Variants in MAP1A observed in about 807,000 individuals in gnomAD.
MAP1A encodes the protein microtubule associated protein 1A, also known as microtubule-associated protein 1A.
Under a neutral mutation model 185.9 loss-of-function variants are expected in MAP1A, and 42 were observed. That is an observed-to-expected ratio of 0.23 (90% CI 0.18 to 0.29). The LOEUF (loss-of-function observed/expected upper bound fraction) is 0.29, where lower values mean the gene tolerates loss of function less well. Among genes scored for constraint, MAP1A ranks in the 10% least tolerant of loss-of-function variants. MAP1A has a pLI of 1.00. For missense variants in MAP1A, 2,995 were observed against 3,450.4 expected (o/e 0.87, Z 3.31); for synonymous variants, 1,229 against 1,335.9 (o/e 0.92, Z 1.74).
rs2079329713 is a variant in MAP1A, at chr15:43,523,663, G to A, written c.2190G>A (p.Glu730=). 5.6e-6 allele frequency: 9 copies of A among 1,614,042 alleles called. No homozygotes were observed. The highest frequency in any genetic ancestry group is 7.6e-6 in the Non-Finnish European group (9 of 1,179,958). Residue 730 remains glutamate, a synonymous_variant, in exon 4 of 6, where the codon GAG becomes GAA. Coordinates refer to ENST00000300231, the MANE Select transcript of MAP1A (RefSeq NM_002373.6). ...TGACCACACCTGCAGGAGCCACTGA[G>A]CATGTCTCTTACATCCAGGATGAGA... ...SSLTTPAGAT[E]HVSYIQDETI...
rs1000688469 is a variant in MAP1A at position 43,527,122 on chromosome 15, T to C, written c.5649T>C (p.Tyr1883=). ...CCTTCTCTTGGGGCACAGCCGAGTA[T>C]GACAGTGTGGTGGCTGCAGTGCAGG... ...PAPFSWGTAE[Y]DSVVAAVQEG... Residue 1883 remains tyrosine, a synonymous_variant, in exon 4 of 6, where the codon TAT becomes TAC. Transcript: ENST00000300231. The C allele has an allele frequency of 1.4e-5, 22 of 1,607,820 alleles. No homozygotes were observed. The South Asian group carries it at 2.3e-4, about 17-fold the overall frequency.
Position 43,529,243 on chromosome 15 carries a change from G to T in MAP1A, c.7770G>T (p.Gly2590=), listed in dbSNP as rs1324547827. The part of the protein sequence containing the change: ...ADPEGLSSES[G]RVERLREKEK... ...CCGAGGGGCTCAGCTCAGAGTCTGG[G>T]AGAGTAGAGAGGCTACGGGAGAAGG... Residue 2590 remains glycine (G), a synonymous_variant, in exon 4 of 6, where the codon GGG becomes GGT. Transcript: ENST00000300231. This position sits in a 1 kb window ranked among gnomAD's most constrained non-coding sequence, Gnocchi z 4.3. 2 of 1,613,116 alleles carry T rather than the reference G, an allele frequency of 1.2e-6. No individual in the cohort carries two copies. The highest frequency in any genetic ancestry group is 1.1e-5 in the South Asian group (1 of 91,028).
At chr15:43,514,246 T>C (rs757353678), upstream of MAP1A, among the ~76,000 whole-genome samples, 4 of 152,218 alleles carry the variant, frequency 2.6e-5, no homozygotes, top group African/African-American at 9.6e-5. Flanking sequence ...TTTGGACATT[T>C]TTATCATGGT....
chr15:43,527,977 T>C lies in MAP1A; in HGVS notation c.6504T>C (p.Phe2168=). 2 of 1,614,052 alleles carry C rather than the reference T, an allele frequency of 1.2e-6. No homozygotes were observed. Among genetic ancestry groups the C allele is most frequent in the Non-Finnish European group, 1.7e-6 (2 of 1,180,002 alleles). Residue 2168 remains phenylalanine (F), a synonymous_variant, in exon 4 of 6, where the codon TTT becomes TTC. Transcript: ENST00000300231. ...RPSLDFPASA[F]GFSSLQPAPP... is the part of the protein sequence containing the mutation. ...GTCTGGACTTCCCTGCTTCAGCCTTTGGCTTCTCCTCATTGCAGCCAGCTC... is the reference window on the plus strand; with the variant it reads ...GTCTGGACTTCCCTGCTTCAGCCTTCGGCTTCTCCTCATTGCAGCCAGCTC...
chr15:43,528,394 C>A lies in MAP1A; in HGVS notation c.6921C>A (p.Ser2307Arg), dbSNP rs2079355598. The A allele has an allele frequency of 1.2e-6, 2 of 1,613,818 alleles. No individual in the cohort carries two copies. Among genetic ancestry groups the A allele is most frequent in the East Asian group, 4.5e-5 (2 of 44,880 alleles). ...AHSLWDLTPLSPAPPASLDLA... is the reference protein window; with the variant it reads ...AHSLWDLTPLRPAPPASLDLA... ...GCCTCTGGGACCTCACTCCTCTGAG[C>A]CCAGCACCCCCAGCTTCACTGGACT... Residue 2307 changes from serine to arginine, a missense_variant, in exon 4 of 6, where the codon AGC (serine) becomes AGA (arginine). Physicochemically the swap from Ser to Arg is moderately radical, Grantham distance 110. Coordinates refer to ENST00000300231, the MANE Select transcript of MAP1A (RefSeq NM_002373.6).
chr15:43,517,660 G>C lies in MAP1A; in HGVS notation c.-415G>C. ...TCCCTGAAGCTGCCGGCTGAGGCCG[G>C]AGCTGCCGCCTCCATGAGAGGCTTC... On this transcript the variant is annotated 5_prime_UTR_variant, in exon 1 of 6. Transcript: ENST00000300231. 3.1e-6 allele frequency: 3 copies of C among 982,582 alleles called. No homozygotes were observed. The highest frequency in any genetic ancestry group is 3.6e-6 in the Non-Finnish European group (3 of 829,232). 60.9% of individuals were successfully genotyped at this position (982,582 alleles called of 1,614,324 possible).
At position 43,525,323 on chromosome 15, in the gene MAP1A, C is replaced by T; in HGVS notation, c.3850C>T (p.Leu1284Phe). Residue 1284 changes from leucine to phenylalanine, a missense_variant, in exon 4 of 6, where the codon CTT (leucine) becomes TTT (phenylalanine). Leu to Phe is a conservative substitution (Grantham distance 22). Coordinates refer to ENST00000300231, the MANE Select transcript of MAP1A (RefSeq NM_002373.6). ...ACAGACAGACATCACAGATGACAGC[C>T]TTGACAGGAAGTCACCTGCCAGCTC... ...SAQTDITDDS[L>F]DRKSPASSFS... The T allele has an allele frequency of 1.9e-6, 3 of 1,614,138 alleles. No individual in the cohort carries two copies. Among genetic ancestry groups the T allele is most frequent in the Non-Finnish European group, 2.5e-6 (3 of 1,180,024 alleles).
chr15:43,516,126 C>T (rs145327215), upstream of MAP1A, among the ~76,000 whole-genome samples: 85 of 152,286 alleles, frequency 5.6e-4, 1 homozygote, highest in African/African-American at 1.9e-3. Context: ...GAAATAAGAA[C>T]GATGAAGTTG....
At position 43,521,411 on chromosome 15, in the gene MAP1A, G is replaced by A. The variant is rs1305270213; in HGVS notation, c.-63G>A. The A allele has an allele frequency of 1.2e-6, 2 of 1,613,904 alleles. No homozygotes were observed. The highest frequency in any genetic ancestry group is 1.1e-5 in the South Asian group (1 of 91,080). On this transcript the variant is annotated 5_prime_UTR_variant, in exon 4 of 6. Transcript: ENST00000300231. This position sits in a 1 kb window ranked among gnomAD's most constrained non-coding sequence, Gnocchi z 4.6. ...AGGGGAAGGTGATTGGAGCCACCTG[G>A]GATTATCCAGTTCCCAAGAGACCCT...
Position 43,528,139 on chromosome 15 carries a change from G to T in MAP1A, c.6666G>T (p.Lys2222Asn). ...ATGATGAATACCTGGAAGTGACCAAGGCCCCCAGCCTGGATTCCTCACTGC... is the reference window on the plus strand; with the variant it reads ...ATGATGAATACCTGGAAGTGACCAATGCCCCCAGCCTGGATTCCTCACTGC... ...TRHDEYLEVT[K>N]APSLDSSLPQ... Residue 2222 changes from lysine (K) to asparagine (N), a missense_variant, in exon 4 of 6, where the codon AAG (lysine) becomes AAT (asparagine). By Grantham distance (94) the Lys-to-Asn change is moderately conservative. Transcript: ENST00000300231. The T allele has an allele frequency of 1.2e-6, 2 of 1,614,084 alleles. No individual in the cohort carries two copies. The highest frequency in any genetic ancestry group is 4.5e-5 in the East Asian group (2 of 44,864).
rs760372035 is a variant in MAP1A, at chr15:43,525,593, C to T, written c.4120C>T (p.Leu1374=). ...DEVLQQKDKT[L]EHKEVVEPKD... is the part of the protein sequence containing the mutation. Reference sequence around the variant, plus strand: ...AGTTTTACAGCAGAAAGACAAAACTCTGGAGCACAAGGAGGTGGTAGAGCC... The same window carrying T: ...AGTTTTACAGCAGAAAGACAAAACTTTGGAGCACAAGGAGGTGGTAGAGCC... The change falls in exon 4 of 6, where the codon CTG becomes TTG. Residue 1374 remains leucine (L), a synonymous_variant. Transcript: ENST00000300231. 6.2e-7 allele frequency: 1 copy of T among 1,614,178 alleles called. No individual in the cohort carries two copies. The highest frequency in any genetic ancestry group is 1.7e-5 in the Admixed American group (1 of 60,018).
In MAP1A at chr15:43,524,753, C is replaced by G; in HGVS notation, c.3280C>G (p.Gln1094Glu). 1 of 1,614,090 alleles carries G rather than the reference C, an allele frequency of 6.2e-7. No individual in the cohort carries two copies. Among genetic ancestry groups the G allele is most frequent in the Non-Finnish European group, 8.5e-7 (1 of 1,179,990 alleles). Residue 1094 changes from glutamine to glutamate, a missense_variant, in exon 4 of 6, where the codon CAG (glutamine) becomes GAG (glutamate). Around this residue, in one of 3 missense-constraint regions of MAP1A, gnomAD observed 2,728 missense variants for 2,986.0 expected, o/e 0.91. Coordinates refer to ENST00000300231, the MANE Select transcript of MAP1A (RefSeq NM_002373.6). ...CTGTACCATTCAACTGTTGCCAGCA[C>G]AGGATAAAGCAATAGTCTTTGAGAT... Reference protein sequence around the residue: ...TGCTIQLLPAQDKAIVFEIME... With the variant: ...TGCTIQLLPAEDKAIVFEIME...
chr15:43,518,773 C>T (rs1392393244), intron 1 of MAP1A, among the ~76,000 whole-genome samples: 4 of 148,556 alleles, frequency 2.7e-5, no homozygotes, highest in African/African-American at 1.0e-4. Context: ...ATGGTCCTCT[C>T]TAAAGAAAAA....
At position 43,525,024 on chromosome 15, in the gene MAP1A, A is replaced by G. The variant is rs1219366552; in HGVS notation, c.3551A>G (p.Asp1184Gly). The stretch of plus-strand genomic sequence containing the variant: ...CTGACAGAACAGTACCTACACAAAG[A>G]CCGTTGGCCAGAGGTATCTCCAGAA... ...CGLTEQYLHK[D>G]RWPEVSPEDT... Residue 1184 changes from aspartate (D) to glycine (G), a missense_variant, in exon 4 of 6, where the codon GAC (aspartate) becomes GGC (glycine). Around this residue, in one of 3 missense-constraint regions of MAP1A, gnomAD observed 2,728 missense variants for 2,986.0 expected, o/e 0.91. Coordinates refer to ENST00000300231, the MANE Select transcript of MAP1A (RefSeq NM_002373.6). 6.2e-7 allele frequency: 1 copy of G among 1,613,996 alleles called. No individual in the cohort carries two copies. Among genetic ancestry groups the G allele is most frequent in the Non-Finnish European group, 8.5e-7 (1 of 1,179,992 alleles).
intron 1 of MAP1A, among the ~76,000 whole-genome samples, chr15:43,518,714 C>CA (rs532198034): frequency 7.9e-5 from 11 of 138,398 alleles, no homozygotes; most frequent in African/African-American, 1.7e-4. Context: ...GCCCACCCCC[C>CA]CCCGCAACTC....
Position 43,521,206 on chromosome 15 carries a change from G to T in MAP1A, c.-151+94G>T, listed in dbSNP as rs1172611963. The T allele has an allele frequency of 6.8e-7, 1 of 1,473,858 alleles. No individual in the cohort carries two copies. The highest frequency in any genetic ancestry group is 1.4e-5 in the South Asian group (1 of 73,370). 91.3% of individuals were successfully genotyped at this position (1,473,858 alleles called of 1,614,324 possible). On this transcript the variant is annotated intron_variant, in intron 3 of 5. Transcript: ENST00000300231. The surrounding 1 kb of genome is among the most constrained non-coding windows in gnomAD (Gnocchi z 4.6). ...GTCTCATATTGCATGACCATGGGGG[G>T]CCCTGGCAGAAAGGTAAGAGTCCAC...
chr15:43,524,755 G>A lies in MAP1A; in HGVS notation c.3282G>A (p.Gln1094=), dbSNP rs375713875. Residue 1094 remains glutamine, a synonymous_variant, in exon 4 of 6, where the codon CAG becomes CAA. Transcript: ENST00000300231. ...TGCTIQLLPA[Q]DKAIVFEIME... ...GTACCATTCAACTGTTGCCAGCACA[G>A]GATAAAGCAATAGTCTTTGAGATTA... The A allele has an allele frequency of 1.4e-5, 23 of 1,614,004 alleles. No individual in the cohort carries two copies. Among genetic ancestry groups the A allele is most frequent in the South Asian group, 1.2e-4 (11 of 91,080 alleles).
In MAP1A at chr15:43,525,966, C is replaced by G; in HGVS notation, c.4493C>G (p.Ala1498Gly). 6.2e-7 allele frequency: 1 copy of G among 1,614,034 alleles called. No individual in the cohort carries two copies. Among genetic ancestry groups the G allele is most frequent in the Non-Finnish European group, 8.5e-7 (1 of 1,180,016 alleles). Residue 1498 changes from alanine (A) to glycine (G), a missense_variant, in exon 4 of 6, where the codon GCC becomes GGC. Physicochemically the swap from Ala to Gly is moderately conservative, Grantham distance 60. This residue lies in a region of MAP1A where 2,728 missense variants were observed against 2,986.0 expected (regional missense o/e 0.91). Transcript: ENST00000300231. ...KEKIPEEKDK[A>G]LDQKVRSVEH... ...AAGATCCCAGAAGAGAAAGACAAAG[C>G]CTTAGATCAAAAAGTCAGAAGTGTT...
rs1282776199 is a variant in MAP1A, at chr15:43,525,390, C to T, written c.3917C>T (p.Pro1306Leu). 3.1e-6 allele frequency: 5 copies of T among 1,614,118 alleles called. No individual in the cohort carries two copies. Among genetic ancestry groups the T allele is most frequent in the Non-Finnish European group, 4.2e-6 (5 of 1,180,040 alleles). Residue 1306 changes from proline to leucine, a missense_variant, in exon 4 of 6, where the codon CCT becomes CTT. Physicochemically the swap from Pro to Leu is moderately conservative, Grantham distance 98 (BLOSUM62 -3). Transcript: ENST00000300231. Reference sequence around the variant, plus strand: ...CCTTCAGGAAATGGGAAGTACTTACCTGGGGCGATCACAAGCCCTGATGAA... The same window carrying T: ...CCTTCAGGAAATGGGAAGTACTTACTTGGGGCGATCACAAGCCCTGATGAA... ...STPSGNGKYL[P>L]GAITSPDEHI...
Sources: allele counts gnomAD v4.1 joint callset (sites outside exome capture counted in the v4.1 genomes callset), GRCh38; gene constraint gnomAD v4.1.1; regional missense constraint gnomAD v4.1.1; non-coding constraint Gnocchi (gnomAD v3.1); transcripts MANE v1.5; gene names NCBI Gene and HGNC (gene_info 2026-07-23, HGNC 2026-07-21).